The following ARPP21 variants were observed in gnomAD, a reference collection of about 807,000 sequenced individuals.
The protein encoded by ARPP21 is cAMP regulated phosphoprotein 21.
ARPP21 carries 69 observed loss-of-function variants against 113.2 expected under a neutral mutation model. That is an observed-to-expected ratio of 0.61 (90% CI 0.50 to 0.74). The LOEUF (loss-of-function observed/expected upper bound fraction) is 0.74, where lower values mean the gene tolerates loss of function less well. Ranked by LOEUF, ARPP21 falls within the 30% of genes least tolerant of loss-of-function variation. ARPP21 has a pLI of 0.00. For missense variants in ARPP21, 1,070 were observed against 1,037.4 expected (o/e 1.03, Z -0.43); for synonymous variants, 368 against 375.5 (o/e 0.98, Z 0.23).
In ARPP21 at chr3:35,696,336, A is replaced by G. The variant is rs181135726; in HGVS notation, c.686+5331A>G. Among the ~76,000 whole-genome samples the G allele has an allele frequency of 4.0e-5, 6 of 151,752 alleles. No homozygotes were observed. The East Asian group carries it at 9.7e-4, about 25-fold the overall frequency. ...CTGAGCAAACTGATGCCTTTAGAGAATTAGTAAAGGAAGTCATCTTTCCTC... is the reference window on the plus strand; with the variant it reads ...CTGAGCAAACTGATGCCTTTAGAGAGTTAGTAAAGGAAGTCATCTTTCCTC... On this transcript the variant is annotated intron_variant, in intron 9 of 20. Transcript: ENST00000684406.
chr3:35,671,371 T>G (rs2076303985), intron 1 of ARPP21, among the ~76,000 whole-genome samples: 1 of 152,204 alleles, frequency 6.6e-6, no homozygotes. Context: ...ATATTTCAAG[T>G]TGACCTATTT....
chr3:35,662,208 T>C (rs148367184), intron 1 of ARPP21, among the ~76,000 whole-genome samples: 647 of 152,334 alleles, frequency 4.2e-3, no homozygotes, highest in Non-Finnish European at 6.8e-3. Flanking sequence ...GCAGTACCAA[T>C]TGGCATACAT....
chr3:35,729,256 C>T (rs373954301), intron 14 of ARPP21, 47 bp from the exon 15 acceptor site: 73 of 1,355,228 alleles, frequency 5.4e-5, no homozygotes, highest in Non-Finnish European at 7.0e-5. Context: ...GGTGCTTTCT[C>T]TCATCTCTGT....
intron 1 of ARPP21, among the ~76,000 whole-genome samples, chr3:35,667,250 T>A (rs1469011824): frequency 6.6e-6 from 1 of 152,190 alleles, no homozygotes; most frequent in Non-Finnish European, 1.5e-5. Context: ...ACATTTAACT[T>A]AAGTTTTATT....
At chr3:35,658,338 C>A (rs2015732) in intron 1 of ARPP21, among the ~76,000 whole-genome samples, 7,707 of 151,954 alleles carry the variant, frequency 0.051, 655 homozygotes, top group African/African-American at 0.17. Flanking sequence ...GTGAATGATT[C>A]GTTGTAGTGA....
chr3:35,784,653 C>A (rs917500222), intron 19 of ARPP21, among the ~76,000 whole-genome samples: 1 of 152,096 alleles, frequency 6.6e-6, no homozygotes, highest in African/African-American at 2.4e-5. Flanking sequence ...TGTTGCCTCC[C>A]AGTAGATGGT....
intron 17 of ARPP21, 133 bp from the exon 18 acceptor site, chr3:35,739,183 TA>T: frequency 2.8e-6 from 3 of 1,077,764 alleles, no homozygotes; most frequent in Non-Finnish European, 4.0e-6. Flanking sequence ...AGAATTATTT[TA>T]TTTTATTTTT....
intron 13 of ARPP21, among the ~76,000 whole-genome samples, chr3:35,718,210 CATT>C (rs895189142): frequency 1.5e-4 from 23 of 152,240 alleles, no homozygotes; most frequent in African/African-American, 5.3e-4. Flanking sequence ...CTTTAGAACT[CATT>C]ATGAGTAAAA....
intron 1 of ARPP21, among the ~76,000 whole-genome samples, chr3:35,671,567 C>T (rs1201504901): frequency 6.6e-6 from 1 of 151,956 alleles, no homozygotes; most frequent in South Asian, 2.1e-4. Flanking sequence ...GGAGAAAAAA[C>T]AAAAGACCCT....
intron 9 of ARPP21, among the ~76,000 whole-genome samples, chr3:35,701,775 G>T (rs2086507571): frequency 6.6e-6 from 1 of 151,064 alleles, no homozygotes; most frequent in Non-Finnish European, 1.5e-5. Flanking sequence ...GGTAGGAGTG[G>T]TTGACATATA....
At chr3:35,687,476 A>G in intron 5 of ARPP21, among the ~76,000 whole-genome samples, 1 of 151,380 alleles carries the variant, frequency 6.6e-6, no homozygotes, top group African/African-American at 2.4e-5. Flanking sequence ...ATTGTGATCT[A>G]CAGGAATTCA....
chr3:35,780,566 T>TA (rs1367889732), intron 19 of ARPP21, among the ~76,000 whole-genome samples: 1 of 152,006 alleles, frequency 6.6e-6, no homozygotes, highest in African/African-American at 2.4e-5. Context: ...TCCCACTACT[T>TA]ACTCTGTGAG....
At chr3:35,670,657 C>G (rs1013558217) in intron 1 of ARPP21, among the ~76,000 whole-genome samples, 1 of 151,976 alleles carries the variant, frequency 6.6e-6, no homozygotes, top group African/African-American at 2.4e-5. Flanking sequence ...CTGCCTGCCA[C>G]AAACAAACAC....
intron 11 of ARPP21, among the ~76,000 whole-genome samples, chr3:35,709,790 G>GAA (rs746245963): frequency 7.9e-5 from 12 of 152,186 alleles, no homozygotes; most frequent in Admixed American, 2.0e-4. Context: ...TCATTTAGCA[G>GAA]CCTCCTCAAA....
At chr3:35,779,268 CA>C (rs1446123201) in intron 19 of ARPP21, among the ~76,000 whole-genome samples, 5 of 152,210 alleles carry the variant, frequency 3.3e-5, no homozygotes, top group Non-Finnish European at 5.9e-5. Context: ...CTTTTTCTCC[CA>C]ATTATGAAGT....
intron 1 of ARPP21, among the ~76,000 whole-genome samples, chr3:35,659,749 A>T (rs1706800178): frequency 6.6e-6 from 1 of 152,204 alleles, no homozygotes; most frequent in Admixed American, 6.5e-5. Flanking sequence ...GCAGTAATTC[A>T]TCACATGTTG....
At chr3:35,791,523 C>T (rs1404468753) in intron 19 of ARPP21, among the ~76,000 whole-genome samples, 5 of 152,124 alleles carry the variant, frequency 3.3e-5, no homozygotes, top group African/African-American at 7.2e-5. Context: ...TAAGAACAAT[C>T]GACAGGCTTC....
At position 35,639,573 on chromosome 3, in the gene ARPP21, G is replaced by A. The variant is rs13062480; in HGVS notation, c.-1038G>A. ...GAGGAACGGGACCGAGGGATCGACC[G>A]AGGCTGGCTGGCTAGGGGTGGGACT... On this transcript the variant is annotated 5_prime_UTR_variant, in exon 1 of 21. Coordinates refer to ENST00000684406, the MANE Select transcript of ARPP21 (RefSeq NM_001385562.1). The surrounding 1 kb of genome is among the most constrained non-coding windows in gnomAD (Gnocchi z 5.0). 0.33 allele frequency: 50,843 copies of A among 152,670 alleles called. 9,221 individuals carry two copies. The highest frequency in any genetic ancestry group is 0.51 in the East Asian group (2,592 of 5,106). 9.5% of individuals were successfully genotyped at this position (152,670 alleles called of 1,614,324 possible).
chr3:35,723,393 C>G (rs1576314938), intron 14 of ARPP21, among the ~76,000 whole-genome samples: 1 of 152,296 alleles, frequency 6.6e-6, no homozygotes, highest in East Asian at 1.9e-4. Flanking sequence ...TACACACACC[C>G]TGATTCTTGG....
Sources: allele counts gnomAD v4.1 joint callset (sites outside exome capture counted in the v4.1 genomes callset), GRCh38; gene constraint gnomAD v4.1.1; non-coding constraint Gnocchi (gnomAD v3.1); transcripts MANE v1.5; gene names NCBI Gene and HGNC (gene_info 2026-07-23, HGNC 2026-07-21).